MAGI3: variants seen among roughly 807,000 people sequenced by gnomAD.
The protein encoded by MAGI3 is membrane-associated guanylate kinase, WW and PDZ domain-containing protein 3.
MAGI3 carries 43 observed loss-of-function variants against 121.8 expected under a neutral mutation model. The ratio of observed to expected loss-of-function variants is 0.35; its 90% CI spans 0.28 to 0.46. MAGI3 has a LOEUF of 0.46. Ranked by LOEUF, MAGI3 falls within the 20% of genes least tolerant of loss-of-function variation. MAGI3 has a pLI of 1.00. For synonymous variants in MAGI3, 553 were observed against 639.3 expected (o/e 0.86, Z 2.04); for missense variants, 1,547 against 1,797.3 (o/e 0.86, Z 2.52).
chr1:113,456,807 C>T (rs531391289), intron 1 of MAGI3, among the ~76,000 whole-genome samples: 1 of 149,680 alleles, frequency 6.7e-6, no homozygotes, highest in African/African-American at 2.4e-5. Flanking sequence ...ATGATAGAGT[C>T]ATTTCTATGA....
At chr1:113,628,923 C>G (rs1651418944) in intron 9 of MAGI3, among the ~76,000 whole-genome samples, 1 of 152,082 alleles carries the variant, frequency 6.6e-6, no homozygotes, top group Non-Finnish European at 1.5e-5. Context: ...GCTTGGTGCT[C>G]TATAACCTTC....
At chr1:113,595,640 A>G (rs1039002945) in intron 6 of MAGI3, among the ~76,000 whole-genome samples, 4 of 152,204 alleles carry the variant, frequency 2.6e-5, no homozygotes, top group African/African-American at 9.6e-5. Context: ...TTCCCTCTAC[A>G]ATGGCATCAA....
At chr1:113,611,734 C>T (rs950427129) in intron 6 of MAGI3, among the ~76,000 whole-genome samples, 1 of 152,006 alleles carries the variant, frequency 6.6e-6, no homozygotes, top group African/African-American at 2.4e-5. Context: ...TCTCTATCAT[C>T]GTCAAAATAA....
intron 7 of MAGI3, among the ~76,000 whole-genome samples, chr1:113,619,309 G>A (rs1650678508): frequency 6.6e-6 from 1 of 152,132 alleles, no homozygotes; most frequent in Admixed American, 6.5e-5. Context: ...ATTTAAAAAG[G>A]ATTCTATACA....
Position 113,622,957 on chromosome 1 carries a change from A to T in MAGI3, c.1323A>T (p.Lys441Asn). The change falls in exon 9 of 21, where the codon AAA becomes AAT. Residue 441 changes from lysine (K) to asparagine (N), a missense_variant. Transcript: ENST00000307546. The stretch of plus-strand genomic sequence containing the variant: ...TCCTACAAGTGAAAAATGTGCTGAA[A>T]GATGGTCCCGCAGCTCAGGATGGGA... ...DEFLQVKNVL[K>N]DGPAAQDGKI... The T allele has an allele frequency of 1.3e-6, 2 of 1,565,826 alleles. No individual in the cohort carries two copies. Among genetic ancestry groups the T allele is most frequent in the Non-Finnish European group, 1.7e-6 (2 of 1,163,360 alleles).
chr1:113,613,014 T>A (rs1171574647), intron 6 of MAGI3, among the ~76,000 whole-genome samples: 1 of 152,084 alleles, frequency 6.6e-6, no homozygotes, highest in African/African-American at 2.4e-5. Context: ...TTCAAGAAAA[T>A]TTCTATTAAA....
intron 1 of MAGI3, among the ~76,000 whole-genome samples, chr1:113,497,123 G>A (rs1166980409): frequency 6.6e-6 from 1 of 152,210 alleles, no homozygotes; most frequent in Non-Finnish European, 1.5e-5. Flanking sequence ...TGGGCGTGAT[G>A]GCGCATGCCT....
chr1:113,526,463 G>A (rs12026682), intron 1 of MAGI3, among the ~76,000 whole-genome samples: 22,945 of 152,148 alleles, frequency 0.15, 2,761 homozygotes, highest in East Asian at 0.63. Context: ...CAAGCTCTAC[G>A]TATGAGAGAG....
chr1:113,535,466 CT>C (rs879614937), intron 1 of MAGI3, among the ~76,000 whole-genome samples: 44 of 151,940 alleles, frequency 2.9e-4, no homozygotes, highest in Middle Eastern at 3.4e-3. Flanking sequence ...GCACCTTCCT[CT>C]TTTTTTTAAC....
At chr1:113,567,682 C>G (rs910999638) in intron 2 of MAGI3, among the ~76,000 whole-genome samples, 1 of 151,978 alleles carries the variant, frequency 6.6e-6, no homozygotes. Context: ...AGTACCCTAT[C>G]AGGATTTTTA....
intron 7 of MAGI3, among the ~76,000 whole-genome samples, chr1:113,618,863 A>C (rs1026302736): frequency 6.6e-6 from 1 of 152,196 alleles, no homozygotes; most frequent in African/African-American, 2.4e-5. Flanking sequence ...TGTACTATGG[A>C]AGTGTTAGAA....
intron 1 of MAGI3, among the ~76,000 whole-genome samples, chr1:113,423,678 A>G (rs557486842): frequency 6.6e-6 from 1 of 152,320 alleles, no homozygotes; most frequent in Admixed American, 6.5e-5. Context: ...GCCAAAAGGC[A>G]TCAAGGAAGT....
intron 6 of MAGI3, among the ~76,000 whole-genome samples, chr1:113,597,463 T>C (rs1649091657): frequency 6.6e-6 from 1 of 152,194 alleles, no homozygotes; most frequent in Admixed American, 6.5e-5. Flanking sequence ...TGTATATATG[T>C]AAATTATACC....
At chr1:113,522,147 A>C (rs1272889127) in intron 1 of MAGI3, among the ~76,000 whole-genome samples, 71 of 152,294 alleles carry the variant, frequency 4.7e-4, no homozygotes, top group Non-Finnish European at 1.5e-5. Flanking sequence ...TCACTCTGTC[A>C]CCCAGGCAAG....
At chr1:113,636,718 G>T (rs918316948) in intron 9 of MAGI3, among the ~76,000 whole-genome samples, 1 of 152,186 alleles carries the variant, frequency 6.6e-6, no homozygotes, top group South Asian at 2.1e-4. Flanking sequence ...ATTTGGGGTG[G>T]AGAGTTCTGT....
chr1:113,635,187 G>C (rs957370768), intron 9 of MAGI3, among the ~76,000 whole-genome samples: 66 of 152,224 alleles, frequency 4.3e-4, no homozygotes, highest in East Asian at 7.7e-4. Context: ...GACAATTTGA[G>C]TTCCTCTTTT....
chr1:113,650,318 T>TAA (rs1047232786), intron 13 of MAGI3, among the ~76,000 whole-genome samples: 65 of 152,348 alleles, frequency 4.3e-4, no homozygotes, highest in African/African-American at 1.5e-3. Flanking sequence ...TTGATACTCA[T>TAA]AATGTTCACT....
intron 1 of MAGI3, among the ~76,000 whole-genome samples, chr1:113,531,599 A>G (rs1237772103): frequency 1.3e-5 from 2 of 152,164 alleles, no homozygotes; most frequent in East Asian, 3.9e-4. Flanking sequence ...AGGCTTTTAT[A>G]AGTTTAAAGG....
chr1:113,634,577 C>T (rs1651880640), intron 9 of MAGI3, among the ~76,000 whole-genome samples: 1 of 152,138 alleles, frequency 6.6e-6, no homozygotes, highest in Admixed American at 6.5e-5. Context: ...GGGCTCTGTT[C>T]TGTTCCATTG....
Sources: allele counts gnomAD v4.1 joint callset (sites outside exome capture counted in the v4.1 genomes callset), GRCh38; gene constraint gnomAD v4.1.1; transcripts MANE v1.5; gene names NCBI Gene and HGNC (gene_info 2026-07-23, HGNC 2026-07-21).